SATB2: variants seen among roughly 807,000 people sequenced by gnomAD.
The protein encoded by SATB2 is DNA-binding protein SATB2.
Under a neutral mutation model 73.4 loss-of-function variants are expected in SATB2, and 1 was observed. That is an observed-to-expected ratio of 0.01 (90% CI 0.00 to 0.06). The LOEUF (loss-of-function observed/expected upper bound fraction) is 0.06. SATB2 is among the 10% of genes least tolerant of loss of function. SATB2 has a pLI of 1.00. For synonymous variants in SATB2, 397 were observed against 367.0 expected (o/e 1.08, Z -0.93); for missense variants, 459 against 945.8 (o/e 0.49, Z 6.75).
chr2:199,429,044 C>A (rs1055595202), intron 3 of SATB2, among the ~76,000 whole-genome samples: 7 of 149,102 alleles, frequency 4.7e-5, no homozygotes, highest in African/African-American at 7.4e-5. Context: ...AAGAAAAAAA[C>A]CAACTCTAAG....
intron 5 of SATB2, among the ~76,000 whole-genome samples, chr2:199,378,509 G>A (rs1184798301): frequency 1.3e-5 from 2 of 152,086 alleles, no homozygotes; most frequent in East Asian, 1.9e-4. Flanking sequence ...CCTACAGGTA[G>A]GTATTAAAAT....
rs1692564869 is a variant in SATB2 at position 199,464,929 on chromosome 2, G to GCCGAC, written c.-239_-235dup. On this transcript the variant is annotated 5_prime_UTR_variant, in exon 1 of 12. Transcript: ENST00000260926. The surrounding 1 kb of genome is among the most constrained non-coding windows in gnomAD (Gnocchi z 6.6). ...GGACGCTGGCTGCTCACCTCCAGGA[G>GCCGAC]CCGACAGAAGGTGCCTTCGGCGTCA... The GCCGAC allele has an allele frequency of 6.6e-6, 1 of 152,262 alleles. No individual in the cohort carries two copies. Among genetic ancestry groups the GCCGAC allele is most frequent in the African/African-American group, 2.4e-5 (1 of 41,472 alleles). The allele number at this position is 152,262 out of a possible 1,614,324, so 9.4% of individuals were successfully genotyped here.
intron 5 of SATB2, among the ~76,000 whole-genome samples, chr2:199,378,609 T>C (rs1689672559): frequency 1.3e-5 from 2 of 152,118 alleles, no homozygotes; most frequent in African/African-American, 4.8e-5. Flanking sequence ...TCTTGATTTT[T>C]TTCGAGGCAA....
intron 5 of SATB2, among the ~76,000 whole-genome samples, chr2:199,373,800 A>G (rs1177662651): frequency 6.6e-6 from 1 of 152,194 alleles, no homozygotes; most frequent in Admixed American, 6.5e-5. Flanking sequence ...CGAGGTTGGG[A>G]CACAAACTAA....
At chr2:199,365,863 C>T (rs1441562878) in intron 6 of SATB2, among the ~76,000 whole-genome samples, 1 of 151,852 alleles carries the variant, frequency 6.6e-6, no homozygotes, top group Non-Finnish European at 1.5e-5. Context: ...CAGAGTATAT[C>T]ATTATTTTAC....
intron 8 of SATB2, among the ~76,000 whole-genome samples, chr2:199,328,264 T>C (rs925603439): frequency 7.9e-5 from 12 of 152,108 alleles, no homozygotes; most frequent in African/African-American, 2.4e-4. Flanking sequence ...GAATTGGCCA[T>C]GGACGGTGGC....
intron 7 of SATB2, among the ~76,000 whole-genome samples, chr2:199,335,150 G>A (rs1668432325): frequency 6.6e-6 from 1 of 152,104 alleles, no homozygotes; most frequent in Admixed American, 6.5e-5. Context: ...AAAATGATGT[G>A]TTAAATCCTC....
At chr2:199,384,324 CCTT>C (rs1202906832) in intron 3 of SATB2, among the ~76,000 whole-genome samples, 2 of 152,158 alleles carry the variant, frequency 1.3e-5, no homozygotes, top group Admixed American at 6.5e-5. Context: ...CTTTTTTGCA[CCTT>C]ATTAACTAAC....
At chr2:199,306,262 A>G (rs1289108117) in intron 10 of SATB2, among the ~76,000 whole-genome samples, 2 of 152,182 alleles carry the variant, frequency 1.3e-5, no homozygotes, top group East Asian at 1.9e-4. Context: ...CACTTTTCAT[A>G]TTATGACTGT....
At chr2:199,333,352 C>T (rs1276618485) in intron 7 of SATB2, among the ~76,000 whole-genome samples, 1 of 151,998 alleles carries the variant, frequency 6.6e-6, no homozygotes, top group Non-Finnish European at 1.5e-5. Context: ...GAACTAGTGT[C>T]ACCTTGGCTC....
chr2:199,336,798 G>A (rs1023469561), intron 7 of SATB2, among the ~76,000 whole-genome samples: 26 of 152,158 alleles, frequency 1.7e-4, no homozygotes, highest in African/African-American at 6.0e-4. Context: ...AGAAATGATT[G>A]AGAATAAAGT....
chr2:199,361,989 G>A (rs565808075), intron 6 of SATB2, among the ~76,000 whole-genome samples: 1 of 142,822 alleles, frequency 7.0e-6, no homozygotes, highest in East Asian at 2.2e-4. Flanking sequence ...CACCCGCCTC[G>A]GCCTCCCAAA....
intron 6 of SATB2, among the ~76,000 whole-genome samples, chr2:199,355,446 T>C (rs995319965): frequency 1.3e-5 from 2 of 150,870 alleles, no homozygotes; most frequent in Non-Finnish European, 2.9e-5. Context: ...GTAAATATAA[T>C]AAAATCTCAA....
At chr2:199,459,218 G>C (rs1692401168), upstream of SATB2, among the ~76,000 whole-genome samples, 1 of 152,004 alleles carries the variant, frequency 6.6e-6, no homozygotes, top group East Asian at 2.0e-4. The surrounding 1 kb of genome is among the most constrained non-coding windows in gnomAD (Gnocchi z 4.2). Context: ...CAACAGAGCT[G>C]TGCCCTGAGG....
intron 10 of SATB2, among the ~76,000 whole-genome samples, chr2:199,293,868 A>G (rs983261069): frequency 1.3e-5 from 2 of 152,176 alleles, no homozygotes; most frequent in Non-Finnish European, 2.9e-5. Flanking sequence ...AAGGGGGAGA[A>G]AGGAAATGTG....
intron 10 of SATB2, among the ~76,000 whole-genome samples, chr2:199,286,794 TAA>T (rs1222859207): frequency 6.6e-6 from 1 of 152,078 alleles, no homozygotes; most frequent in Non-Finnish European, 1.5e-5. Flanking sequence ...TTAAAACGAA[TAA>T]AGAGTAAGAT....
intron 3 of SATB2, among the ~76,000 whole-genome samples, chr2:199,392,518 C>T (rs76609776): frequency 0.019 from 2,818 of 152,108 alleles, 102 homozygotes; most frequent in African/African-American, 0.064. Flanking sequence ...GTCAATTTAA[C>T]TTGTTCTAAC....
intron 9 of SATB2, among the ~76,000 whole-genome samples, chr2:199,310,315 A>G (rs865897588): frequency 2.0e-5 from 3 of 152,306 alleles, no homozygotes; most frequent in Middle Eastern, 3.4e-3. Context: ...CTTGCAATAA[A>G]CTGGAAGCTT....
chr2:199,281,266 G>GTA (rs1045429738), intron 10 of SATB2, among the ~76,000 whole-genome samples: 2 of 151,334 alleles, frequency 1.3e-5, no homozygotes, highest in African/African-American at 4.9e-5. Context: ...ATGTATGTAT[G>GTA]TGTGTGTGTG....
Sources: gnomAD v4.1 joint callset for allele counts (sites outside exome capture counted in the v4.1 genomes callset) on GRCh38, gnomAD v4.1.1 for gene constraint, Gnocchi (gnomAD v3.1) non-coding constraint, MANE v1.5 for transcripts, NCBI Gene and HGNC (gene_info 2026-07-23, HGNC 2026-07-21) for gene names.